TTC7A: variants seen among roughly 807,000 people sequenced by gnomAD.
The protein encoded by TTC7A is tetratricopeptide repeat protein 7A.
TTC7A carries 110 observed loss-of-function variants against 103.7 expected under a neutral mutation model. The ratio of observed to expected loss-of-function variants is 1.06; its 90% confidence interval spans 0.91 to 1.24. The LOEUF is 1.24. TTC7A is among the 50% of genes most tolerant of loss of function. The probability of loss-of-function intolerance (pLI) is 0.00; values close to 1 mark genes in which losing one functional copy is unlikely to be tolerated. For missense variants in TTC7A, 1,340 were observed against 1,116.3 expected, an observed-to-expected ratio of 1.20 and a Z score of -2.86; for synonymous variants, 521 against 467.9, an observed-to-expected ratio of 1.11 and a Z score of -1.47.
At chr2:47,006,393 C>T (rs2104455631) in intron 9 of TTC7A, among the ~76,000 whole-genome samples, 1 of 152,336 alleles carries the variant, frequency 6.6e-6, no homozygotes, top group South Asian at 2.1e-4. Flanking sequence ...TTTGCCATCA[C>T]CCTGTGAGAT....
intron 15 of TTC7A, among the ~76,000 whole-genome samples, chr2:47,038,704 G>A (rs1461239981): frequency 1.6e-5 from 2 of 125,932 alleles, no homozygotes; most frequent in African/African-American, 3.1e-5. Flanking sequence ...AGAGGGATCC[G>A]GAATTGCTGC....
Position 47,029,355 on chromosome 2 carries a change from G to A in TTC7A, c.1773G>A (p.Met591Ile), listed in dbSNP as rs760668267. Residue 591 changes from methionine (M) to isoleucine (I), a missense_variant, in exon 15 of 20, where the codon ATG becomes ATA. Transcript: ENST00000319190. ...AGCATGCCCTGGATGTTGTCAACAT[G>A]GCCATCACCGAGCACCCTGAGAACT... Reference protein sequence around the residue: ...HHQHALDVVNMAITEHPENFN... With the variant: ...HHQHALDVVNIAITEHPENFN... The A allele has an allele frequency of 2.2e-5, 35 of 1,613,948 alleles. No individual in the cohort carries two copies. Among genetic ancestry groups the A allele is most frequent in the Non-Finnish European group, 3.0e-5 (35 of 1,180,030 alleles).
rs181937157 is a variant in TTC7A, at chr2:46,951,561, C to T, written c.348+1035C>T. The T allele has an allele frequency of 8.2e-4, 366 of 448,274 alleles. 1 individual carries two copies. Among genetic ancestry groups the T allele is most frequent in the Non-Finnish European group, 1.2e-3 (280 of 224,722 alleles). The allele number at this position is 448,274 out of a possible 1,614,324, so 27.8% of individuals were successfully genotyped here. A position where few individuals can be genotyped will look rare whatever the true frequency, so the allele number is the denominator to read the frequency against. On this transcript the variant is annotated intron_variant, in intron 2 of 19. Transcript: ENST00000319190. ...CCTTGCTTCCTTCCCCTCTGTCTCTCTCTTTCTTTCTGTCTTTCTGTCTGT... is the reference window on the plus strand; with the variant it reads ...CCTTGCTTCCTTCCCCTCTGTCTCTTTCTTTCTTTCTGTCTTTCTGTCTGT...
At chr2:47,049,132 C>T (rs920731312) in intron 16 of TTC7A, among the ~76,000 whole-genome samples, 1 of 152,156 alleles carries the variant, frequency 6.6e-6, no homozygotes, top group African/African-American at 2.4e-5. Flanking sequence ...AGGAAAGAAA[C>T]CTTCTTGCCC....
At chr2:46,938,613 T>C (rs1027556363), upstream of TTC7A, among the ~76,000 whole-genome samples, 2 of 152,216 alleles carry the variant, frequency 1.3e-5, no homozygotes, top group African/African-American at 4.8e-5. Flanking sequence ...AATTTGGATA[T>C]TGATTTATCA....
At chr2:47,011,844 T>C (rs1678091081) in intron 11 of TTC7A, among the ~76,000 whole-genome samples, 1 of 152,260 alleles carries the variant, frequency 6.6e-6, no homozygotes, top group Non-Finnish European at 1.5e-5. Flanking sequence ...AGAGCTGCTC[T>C]TGGCGGAATG....
At chr2:47,020,469 T>C (rs942810415) in intron 11 of TTC7A, among the ~76,000 whole-genome samples, 5 of 152,158 alleles carry the variant, frequency 3.3e-5, no homozygotes, top group African/African-American at 1.2e-4. Context: ...CTCGGGCCTA[T>C]TGGTGCCAAA....
intron 15 of TTC7A, among the ~76,000 whole-genome samples, chr2:47,043,989 G>A (rs138963676): frequency 6.6e-5 from 10 of 152,316 alleles, no homozygotes; most frequent in African/African-American, 2.2e-4. Flanking sequence ...CCTGCAGAGG[G>A]CCCGGGGAAT....
intron 3 of TTC7A, among the ~76,000 whole-genome samples, chr2:46,966,393 C>A (rs1288930182): frequency 6.6e-6 from 1 of 152,152 alleles, no homozygotes; most frequent in East Asian, 1.9e-4. Context: ...TCTTTCCAGT[C>A]TTTTTTCCCT....
chr2:47,034,931 A>G (rs1680945887), intron 15 of TTC7A, among the ~76,000 whole-genome samples: 1 of 152,208 alleles, frequency 6.6e-6, no homozygotes, highest in African/African-American at 2.4e-5. Flanking sequence ...ATGGAACCAC[A>G]CAGCCTTCTG....
chr2:47,023,999 C>T (rs898238905), intron 13 of TTC7A, among the ~76,000 whole-genome samples: 2 of 151,754 alleles, frequency 1.3e-5, no homozygotes, highest in African/African-American at 2.4e-5. Context: ...TTCATCCCAT[C>T]GTCTTTCTTC....
At chr2:47,016,479 C>G (rs1678673055) in intron 11 of TTC7A, among the ~76,000 whole-genome samples, 1 of 152,188 alleles carries the variant, frequency 6.6e-6, no homozygotes, top group African/African-American at 2.4e-5. Context: ...AGGGGAGCCC[C>G]TAATCACTCT....
chr2:46,927,887 T>G (rs868292171), intron 2 of TTC7A, among the ~76,000 whole-genome samples: 214 of 111,812 alleles, frequency 1.9e-3, no homozygotes, highest in African/African-American at 7.1e-3. Context: ...TTTTGGTGTT[T>G]TTTTTTTTTT....
At chr2:46,931,672 G>A (rs1490756241) in intron 2 of TTC7A, among the ~76,000 whole-genome samples, 2 of 144,834 alleles carry the variant, frequency 1.4e-5, no homozygotes, top group East Asian at 2.0e-4. Flanking sequence ...TTCTTTGGGG[G>A]AAAAAACAAA....
intron 5 of TTC7A, among the ~76,000 whole-genome samples, chr2:46,986,780 A>G (rs1160503423): frequency 1.3e-5 from 2 of 152,180 alleles, no homozygotes; most frequent in South Asian, 2.1e-4. Context: ...GCCCGCCCCC[A>G]GAGTCCGGCT....
At chr2:46,937,715 G>A (rs755882677), upstream of TTC7A, among the ~76,000 whole-genome samples, 5 of 152,222 alleles carry the variant, frequency 3.3e-5, no homozygotes, top group Non-Finnish European at 7.3e-5. This position sits in a 1 kb window ranked among gnomAD's most constrained non-coding sequence, Gnocchi z 4.0. Flanking sequence ...TAGGATTATA[G>A]GCACGAGCTG....
chr2:47,068,862 C>CAAAAAAAAAAAAAAAAA (rs201835431), intron 19 of TTC7A, among the ~76,000 whole-genome samples: 1 of 69,762 alleles, frequency 1.4e-5, no homozygotes, highest in Non-Finnish European at 4.2e-5. Context: ...TCAATTTTTT[C>CAAAAAAAAAAAAAAAAA]AAAAAAAAAA....
intron 3 of TTC7A, among the ~76,000 whole-genome samples, chr2:46,963,936 C>G (rs1672607953): frequency 6.6e-6 from 1 of 152,152 alleles, no homozygotes; most frequent in Admixed American, 6.5e-5. Flanking sequence ...TGGGATTTCC[C>G]CCACCTGAAT....
At chr2:46,957,588 A>G (rs1671988556) in intron 3 of TTC7A, among the ~76,000 whole-genome samples, 1 of 152,220 alleles carries the variant, frequency 6.6e-6, no homozygotes, top group African/African-American at 2.4e-5. Context: ...TTCCAGGGTC[A>G]AGGGGTGCTC....
Sources: allele counts gnomAD v4.1 joint callset (sites outside exome capture counted in the v4.1 genomes callset), GRCh38; gene constraint gnomAD v4.1.1; non-coding constraint Gnocchi (gnomAD v3.1); transcripts MANE v1.5; gene names NCBI Gene and HGNC (gene_info 2026-07-23, HGNC 2026-07-21).